Variants in GALNTL6 observed in about 807,000 individuals in gnomAD.
GALNTL6 encodes polypeptide N-acetylgalactosaminyltransferase-like 6.
A neutral mutation model predicts 73.7 loss-of-function variants in GALNTL6; 46 were observed. That is an observed-to-expected ratio of 0.62 (90% CI 0.49 to 0.80). GALNTL6 has a LOEUF of 0.80. GALNTL6 is among the 30% of genes least tolerant of loss of function. GALNTL6 has a pLI of 0.00. For synonymous variants in GALNTL6, 259 were observed against 263.7 expected (o/e 0.98, Z 0.17); for missense variants, 604 against 755.0 (o/e 0.80, Z 2.34).
intron 5 of GALNTL6, among the ~76,000 whole-genome samples, chr4:172,593,661 G>C (rs1190827201): frequency 7.0e-6 from 1 of 142,872 alleles, no homozygotes; most frequent in East Asian, 2.0e-4. Context: ...AGCATGACTT[G>C]TTTTTTTTTT....
intron 2 of GALNTL6, among the ~76,000 whole-genome samples, chr4:171,852,910 G>T (rs916347862): frequency 6.6e-6 from 1 of 151,754 alleles, no homozygotes; most frequent in Non-Finnish European, 1.5e-5. Flanking sequence ...GCAGTGGCCC[G>T]ATCTCGGCTC....
chr4:171,971,153 G>A (rs2111064396), intron 2 of GALNTL6, among the ~76,000 whole-genome samples: 1 of 152,278 alleles, frequency 6.6e-6, no homozygotes, highest in African/African-American at 2.4e-5. Flanking sequence ...AACATGCAAA[G>A]TTTATTAACA....
At chr4:171,921,153 GACA>G (rs1255229350) in intron 2 of GALNTL6, among the ~76,000 whole-genome samples, 7 of 151,960 alleles carry the variant, frequency 4.6e-5, no homozygotes, top group Non-Finnish European at 7.4e-5. Context: ...GTTACAAATT[GACA>G]ACAATTTGTA....
chr4:172,737,025 T>C (rs1314917016), intron 5 of GALNTL6, among the ~76,000 whole-genome samples: 1 of 152,220 alleles, frequency 6.6e-6, no homozygotes, highest in Non-Finnish European at 1.5e-5. Flanking sequence ...AACCTCTTTT[T>C]CTTTATAAAT....
At chr4:172,862,716 G>C (rs1428081004) in intron 7 of GALNTL6, among the ~76,000 whole-genome samples, 9 of 88,738 alleles carry the variant, frequency 1.0e-4, no homozygotes. Context: ...AAGAAAAAGA[G>C]AAAGAAAAAA....
intron 2 of GALNTL6, among the ~76,000 whole-genome samples, chr4:172,186,986 G>A (rs1237497927): frequency 1.3e-5 from 2 of 151,798 alleles, no homozygotes; most frequent in African/African-American, 4.8e-5. Flanking sequence ...TTGGTACATT[G>A]CCCACTAAGT....
chr4:172,500,256 A>C (rs1363263548), intron 5 of GALNTL6, among the ~76,000 whole-genome samples: 1 of 152,124 alleles, frequency 6.6e-6, no homozygotes, highest in African/African-American at 2.4e-5. Flanking sequence ...CCTTGTATCT[A>C]TGAAAAATAG....
intron 2 of GALNTL6, among the ~76,000 whole-genome samples, chr4:171,932,772 CA>C (rs1560847223): frequency 2.0e-5 from 3 of 152,194 alleles, no homozygotes; most frequent in Non-Finnish European, 4.4e-5. Context: ...ACCTTGGCAA[CA>C]TACCCCAATT....
chr4:171,905,057 C>T (rs896882197), intron 2 of GALNTL6, among the ~76,000 whole-genome samples: 10 of 152,078 alleles, frequency 6.6e-5, no homozygotes, highest in Non-Finnish European at 1.5e-5. Flanking sequence ...AATGTAAAGA[C>T]CATCAAGACT....
intron 5 of GALNTL6, among the ~76,000 whole-genome samples, chr4:172,437,088 A>C (rs1399737719): frequency 6.6e-6 from 1 of 152,142 alleles, no homozygotes; most frequent in Non-Finnish European, 1.5e-5. Flanking sequence ...CAGTCCACCC[A>C]ACTACTTCAT....
In GALNTL6 at chr4:172,157,198, C is replaced by T. The variant is rs963996955; in HGVS notation, c.139-72458C>T. Among the ~76,000 whole-genome samples the T allele has an allele frequency of 2.0e-5, 3 of 152,214 alleles. No homozygotes were observed. In the East Asian group the frequency reaches 5.8e-4, roughly 29 times the overall value. On this transcript the variant is annotated intron_variant, in intron 2 of 12. Coordinates refer to ENST00000506823, the MANE Select transcript of GALNTL6 (RefSeq NM_001034845.3). The stretch of plus-strand genomic sequence containing the variant: ...ACTTTAATTTGAAAGAGTAGAAAGA[C>T]AATAGTTACCCTCACTGCTTATCTG...
At chr4:172,589,258 G>C (rs966874019) in intron 5 of GALNTL6, among the ~76,000 whole-genome samples, 1 of 152,120 alleles carries the variant, frequency 6.6e-6, no homozygotes, top group African/African-American at 2.4e-5. Flanking sequence ...CTATTTGAGT[G>C]ATTAATCCCA....
In GALNTL6 at chr4:171,814,495, G is replaced by C; in HGVS notation, c.-86G>C. ...GCTTCTCAGTTTCTGGTGCTTCGCAGGGGAGAGGAAAGGAATTTGACATTA... is the reference window on the plus strand; with the variant it reads ...GCTTCTCAGTTTCTGGTGCTTCGCACGGGAGAGGAAAGGAATTTGACATTA... On this transcript the variant is annotated 5_prime_UTR_variant, in exon 2 of 13. Coordinates refer to ENST00000506823, the MANE Select transcript of GALNTL6 (RefSeq NM_001034845.3). The C allele has an allele frequency of 7.0e-7, 1 of 1,438,740 alleles. No individual in the cohort carries two copies. The highest frequency in any genetic ancestry group is 9.7e-7 in the Non-Finnish European group (1 of 1,036,106). The allele number at this position is 1,438,740 out of a possible 1,614,324, so 89.1% of individuals were successfully genotyped here. A position where few individuals can be genotyped will look rare whatever the true frequency, so the allele number is the denominator to read the frequency against.
intron 5 of GALNTL6, among the ~76,000 whole-genome samples, chr4:172,627,849 G>T (rs187362364): frequency 2.0e-5 from 3 of 151,510 alleles, no homozygotes; most frequent in Non-Finnish European, 4.4e-5. Flanking sequence ...TGGTTATAAT[G>T]TTATCTTTGT....
At chr4:172,611,682 G>A (rs1052679284) in intron 5 of GALNTL6, among the ~76,000 whole-genome samples, 1 of 151,878 alleles carries the variant, frequency 6.6e-6, no homozygotes, top group Non-Finnish European at 1.5e-5. Flanking sequence ...ATCTCACAGG[G>A]GTTCTCTGCA....
intron 8 of GALNTL6, 66 bp from the exon 9 acceptor site, chr4:172,931,095 C>T: frequency 2.3e-6 from 2 of 856,766 alleles, no homozygotes; most frequent in South Asian, 2.7e-5. Flanking sequence ...GTTTATGAGT[C>T]CTACTGATTA....
At chr4:172,550,152 ATGAC>A (rs1302371142) in intron 5 of GALNTL6, among the ~76,000 whole-genome samples, 1 of 152,130 alleles carries the variant, frequency 6.6e-6, no homozygotes, top group East Asian at 1.9e-4. Context: ...GTACAATTAC[ATGAC>A]TATTTCTTAT....
At chr4:172,321,980 A>G (rs1353758521) in intron 4 of GALNTL6, among the ~76,000 whole-genome samples, 1 of 152,160 alleles carries the variant, frequency 6.6e-6, no homozygotes, top group Non-Finnish European at 1.5e-5. Context: ...CATGCACACA[A>G]AGAGGCAAAA....
intron 5 of GALNTL6, among the ~76,000 whole-genome samples, chr4:172,636,525 A>G (rs1944731640): frequency 6.6e-6 from 1 of 152,174 alleles, no homozygotes; most frequent in South Asian, 2.1e-4. Flanking sequence ...GTCAGGGCAG[A>G]GAAGGCCATG....
Sources: gnomAD v4.1 joint callset for allele counts (sites outside exome capture counted in the v4.1 genomes callset) on GRCh38, gnomAD v4.1.1 for gene constraint, MANE v1.5 for transcripts, NCBI Gene and HGNC (gene_info 2026-07-23, HGNC 2026-07-21) for gene names.